Variants in GPC5 observed in about 807,000 individuals in gnomAD.
The protein encoded by GPC5 is glypican-5.
Under a neutral mutation model 53.9 loss-of-function variants are expected in GPC5, and 47 were observed. The ratio of observed to expected loss-of-function variants is 0.87; its 90% CI spans 0.69 to 1.11. The LOEUF is 1.11. GPC5 is among the 50% of genes most tolerant of loss of function. GPC5 has a pLI of 0.00. For synonymous variants in GPC5, 286 were observed against 263.3 expected, an observed-to-expected ratio of 1.09 and a Z score of -0.84; for missense variants, 748 against 713.1, an observed-to-expected ratio of 1.05 and a Z score of -0.56.
chr13:92,426,035 C>A lies in GPC5; in HGVS notation c.1561+281046C>A, dbSNP rs867986049. On this transcript the variant is annotated intron_variant, in intron 7 of 7. Transcript: ENST00000377067. ...AGGTATTTAGGCTTATTCTACTTTTCTGTTAAAACAATACAACACCGAACA... is the reference window on the plus strand; with the variant it reads ...AGGTATTTAGGCTTATTCTACTTTTATGTTAAAACAATACAACACCGAACA... Among the ~76,000 whole-genome samples the A allele has an allele frequency of 1.6e-4, 24 of 152,196 alleles. No homozygotes were observed. The Middle Eastern group carries it at 0.014, about 87-fold the overall frequency.
chr13:92,165,001 T>A (rs2042017035), intron 7 of GPC5, among the ~76,000 whole-genome samples: 1 of 152,318 alleles, frequency 6.6e-6, no homozygotes, highest in Middle Eastern at 3.4e-3. Flanking sequence ...AACCAAATCC[T>A]GAGACTGCAC....
rs1185682149 is a variant in GPC5, at chr13:92,646,266, G to A, written c.1562-220016G>A. On this transcript the variant is annotated intron_variant, in intron 7 of 7. Coordinates refer to ENST00000377067, the MANE Select transcript of GPC5 (RefSeq NM_004466.6). ...ATGATCACCAAGTTACTCAAGCATC[G>A]TTTGTAAAAAAGTCTCTTCTTTCAC... Among the ~76,000 whole-genome samples the A allele has an allele frequency of 5.9e-5, 9 of 152,072 alleles. No individual in the cohort carries two copies. In the East Asian group the frequency reaches 1.4e-3, roughly 23 times the overall value.
intron 7 of GPC5, among the ~76,000 whole-genome samples, chr13:92,833,245 A>G (rs2138823653): frequency 6.6e-6 from 1 of 152,330 alleles, no homozygotes; most frequent in South Asian, 2.1e-4. Context: ...CACAGCATCT[A>G]TATAAGTAAA....
intron 6 of GPC5, among the ~76,000 whole-genome samples, chr13:92,098,485 A>G (rs12868407): frequency 1.3e-5 from 2 of 152,184 alleles, no homozygotes; most frequent in African/African-American, 4.8e-5. Context: ...ATGTGAACAG[A>G]CCATTTAAGG....
intron 7 of GPC5, among the ~76,000 whole-genome samples, chr13:92,846,216 C>T (rs1420368624): frequency 6.6e-6 from 1 of 152,122 alleles, no homozygotes; most frequent in African/African-American, 2.4e-5. Flanking sequence ...ATAAAACCAT[C>T]AGCTCTAGTG....
chr13:92,182,988 G>T (rs1009133990), intron 7 of GPC5, among the ~76,000 whole-genome samples: 4 of 152,164 alleles, frequency 2.6e-5, no homozygotes, highest in Admixed American at 1.3e-4. Flanking sequence ...TCCAGAAGAG[G>T]TTCATAACGT....
In GPC5 at chr13:91,947,338, T is replaced by C. The variant is rs539157696; in HGVS notation, c.1401+39281T>C. Among the ~76,000 whole-genome samples, 4 of 152,310 alleles carry C rather than the reference T, an allele frequency of 2.6e-5. No individual in the cohort carries two copies. The South Asian group carries it at 8.3e-4, about 32-fold the overall frequency. On this transcript the variant is annotated intron_variant, in intron 6 of 7. Transcript: ENST00000377067. The stretch of plus-strand genomic sequence containing the variant: ...TAGGTTTAGAATCTCACTACCTCTA[T>C]TCTCCTGCTGGCTCCTCCTGCTAAC...
At chr13:91,591,623 T>C (rs2032802307) in intron 2 of GPC5, among the ~76,000 whole-genome samples, 1 of 152,214 alleles carries the variant, frequency 6.6e-6, no homozygotes, top group Admixed American at 6.5e-5. Context: ...TTGGAAGTTT[T>C]GTTCATTTTT....
At chr13:92,501,273 T>C (rs1880174010) in intron 7 of GPC5, among the ~76,000 whole-genome samples, 1 of 151,966 alleles carries the variant, frequency 6.6e-6, no homozygotes, top group African/African-American at 2.4e-5. Context: ...CAAATAGGTG[T>C]AATAGAAGAT....
At chr13:92,665,038 G>C (rs111528234) in intron 7 of GPC5, among the ~76,000 whole-genome samples, 4 of 152,240 alleles carry the variant, frequency 2.6e-5, no homozygotes, top group African/African-American at 4.8e-5. Context: ...AATCGAGTTT[G>C]TAGAGTATAA....
chr13:91,897,295 G>C (rs1025509550), intron 5 of GPC5, among the ~76,000 whole-genome samples: 3 of 151,346 alleles, frequency 2.0e-5, no homozygotes, highest in African/African-American at 4.9e-5. Context: ...CAGGAACACA[G>C]CTTTTTTGCT....
intron 7 of GPC5, among the ~76,000 whole-genome samples, chr13:92,216,958 G>A (rs562682050): frequency 1.0e-3 from 150 of 145,622 alleles, no homozygotes; most frequent in Admixed American, 1.9e-3. Context: ...CAGCCTGGGC[G>A]ATAGAGGAAG....
chr13:91,534,276 CAT>C (rs557863371), intron 2 of GPC5, among the ~76,000 whole-genome samples: 2 of 152,068 alleles, frequency 1.3e-5, no homozygotes, highest in African/African-American at 4.8e-5. Flanking sequence ...CCCATATGTA[CAT>C]ATATATATAG....
At chr13:92,118,128 G>T (rs1007642567) in intron 6 of GPC5, among the ~76,000 whole-genome samples, 1 of 152,074 alleles carries the variant, frequency 6.6e-6, no homozygotes, top group African/African-American at 2.4e-5. Context: ...ATCAGGTTAA[G>T]TTCCCTTCTT....
chr13:91,644,192 C>T (rs963991419), intron 2 of GPC5, among the ~76,000 whole-genome samples: 2 of 152,104 alleles, frequency 1.3e-5, no homozygotes, highest in African/African-American at 4.8e-5. Context: ...CAATACCTAA[C>T]ACTAATTGAG....
intron 7 of GPC5, among the ~76,000 whole-genome samples, chr13:92,814,277 G>A (rs1877388751): frequency 6.6e-6 from 1 of 151,794 alleles, no homozygotes; most frequent in Non-Finnish European, 1.5e-5. Flanking sequence ...GGAAAACATA[G>A]GACAAAATCT....
At chr13:92,276,537 G>C (rs12867096) in intron 7 of GPC5, among the ~76,000 whole-genome samples, 12,987 of 151,972 alleles carry the variant, frequency 0.085, 615 homozygotes, top group Middle Eastern at 0.12. Flanking sequence ...AATAATTCAG[G>C]ATTAAGGTGA....
chr13:92,037,286 A>G (rs1034558917), intron 6 of GPC5, among the ~76,000 whole-genome samples: 6 of 152,098 alleles, frequency 3.9e-5, no homozygotes, highest in Non-Finnish European at 8.8e-5. Flanking sequence ...CAAAATACCA[A>G]GTGTATTTCT....
chr13:92,431,237 C>G (rs1440201364), intron 7 of GPC5, among the ~76,000 whole-genome samples: 3 of 151,882 alleles, frequency 2.0e-5, no homozygotes, highest in African/African-American at 7.3e-5. Flanking sequence ...TTCTTGCTCT[C>G]AAGAAAGTTT....
Sources: allele counts gnomAD v4.1 joint callset (sites outside exome capture counted in the v4.1 genomes callset), GRCh38; gene constraint gnomAD v4.1.1; transcripts MANE v1.5; gene names NCBI Gene and HGNC (gene_info 2026-07-23, HGNC 2026-07-21).